The following SCN1A variants were observed in gnomAD, a reference collection of about 807,000 sequenced individuals.
SCN1A encodes the protein sodium channel protein type 1 subunit alpha.
Under a neutral mutation model 193.7 loss-of-function variants are expected in SCN1A, and 13 were observed. That is an observed-to-expected ratio of 0.07 (90% confidence interval 0.04 to 0.11). The LOEUF is 0.11. Ranked by LOEUF, SCN1A falls within the 10% of genes least tolerant of loss-of-function variation. The pLI is 1.00. For synonymous variants in SCN1A, 781 were observed against 843.6 expected, an observed-to-expected ratio of 0.93 and a Z score of 1.29; for missense variants, 1,432 against 2,451.1, an observed-to-expected ratio of 0.58 and a Z score of 8.78.
intron 2 of SCN1A, among the ~76,000 whole-genome samples, chr2:166,081,215 C>A (rs1685487594): frequency 6.6e-6 from 1 of 151,906 alleles, no homozygotes; most frequent in African/African-American, 2.4e-5. Context: ...CCCATGAAGC[C>A]TTACAGTTAA....
At chr2:166,122,739 C>T (rs1690740436) in intron 2 of SCN1A, among the ~76,000 whole-genome samples, 1 of 151,932 alleles carries the variant, frequency 6.6e-6, no homozygotes, top group East Asian at 1.9e-4. Context: ...AGAATGAATC[C>T]TAGATCTAAA....
chr2:166,006,777 A>G (rs1691720019), intron 23 of SCN1A, among the ~76,000 whole-genome samples: 1 of 151,368 alleles, frequency 6.6e-6, no homozygotes. Context: ...GCTCATACAT[A>G]TCAATAATCA....
chr2:166,039,612 A>C lies in SCN1A; in HGVS notation c.2416-16T>G. The C allele has an allele frequency of 1.2e-6, 2 of 1,604,500 alleles. No individual in the cohort carries two copies. Among genetic ancestry groups the C allele is most frequent in the Non-Finnish European group, 1.7e-6 (2 of 1,171,480 alleles). On this transcript the variant is annotated splice_polypyrimidine_tract_variant and intron_variant, in intron 16 of 28. Transcript: ENST00000674923. ...CAGTGAAAACCTAAGATCAAAACAAAATTAATCTAATTCCACCAGATAATA... is the reference window on the plus strand; with the variant it reads ...CAGTGAAAACCTAAGATCAAAACAACATTAATCTAATTCCACCAGATAATA...
intron 23 of SCN1A, among the ~76,000 whole-genome samples, chr2:166,006,026 A>G (rs893223215): frequency 6.6e-6 from 1 of 151,374 alleles, no homozygotes; most frequent in Non-Finnish European, 1.5e-5. Context: ...TAAATGAAGG[A>G]TTGATAATTA....
intron 13 of SCN1A, 57 bp downstream of exon 13, chr2:166,044,982 TCCCC>T: frequency 7.7e-6 from 12 of 1,552,978 alleles, no homozygotes; most frequent in Non-Finnish European, 1.1e-5. Flanking sequence ...TTTCTAATTC[TCCCC>T]CTCTCTCCCA....
intron 2 of SCN1A, among the ~76,000 whole-genome samples, chr2:166,101,253 G>A (rs1236198743): frequency 1.9e-4 from 29 of 150,600 alleles, no homozygotes; most frequent in South Asian, 4.2e-4. Flanking sequence ...GTAAACTATC[G>A]CAAGAACAAA....
At chr2:166,035,010 G>A (rs1393143717) in intron 19 of SCN1A, among the ~76,000 whole-genome samples, 3 of 152,156 alleles carry the variant, frequency 2.0e-5, no homozygotes, top group African/African-American at 7.2e-5. Flanking sequence ...CCCAGTTATG[G>A]TATAGTGTTA....
chr2:166,017,611 T>C (rs1322684015), intron 19 of SCN1A, among the ~76,000 whole-genome samples: 1 of 152,060 alleles, frequency 6.6e-6, no homozygotes, highest in African/African-American at 2.4e-5. Context: ...TTACATACTT[T>C]ATAAAAACCA....
intron 2 of SCN1A, among the ~76,000 whole-genome samples, chr2:166,108,074 T>C (rs1045371468): frequency 6.6e-6 from 1 of 152,048 alleles, no homozygotes. Flanking sequence ...GGCATATATA[T>C]ATATATTTTA....
At chr2:166,004,797 T>C (rs903402017) in intron 23 of SCN1A, among the ~76,000 whole-genome samples, 4 of 151,104 alleles carry the variant, frequency 2.6e-5, no homozygotes, top group Non-Finnish European at 5.9e-5. Context: ...ATAGCTCCTC[T>C]TCTGAAATAC....
intron 17 of SCN1A, 22 bp from the exon 18 acceptor site, chr2:166,038,154 T>C: frequency 1.3e-6 from 2 of 1,530,704 alleles, no homozygotes; most frequent in Non-Finnish European, 1.8e-6. Context: ...AAGATTAATA[T>C]ATATTTGTAT....
At chr2:166,064,761 A>C (rs1034440655) in intron 4 of SCN1A, among the ~76,000 whole-genome samples, 1 of 152,142 alleles carries the variant, frequency 6.6e-6, no homozygotes, top group Non-Finnish European at 1.5e-5. Context: ...TTTGTGTTTC[A>C]TCTAAACATT....
At chr2:166,097,631 G>A (rs1188556746) in intron 2 of SCN1A, among the ~76,000 whole-genome samples, 1 of 152,154 alleles carries the variant, frequency 6.6e-6, no homozygotes, top group East Asian at 1.9e-4. Flanking sequence ...ACCCAGGCTG[G>A]CGTGCAGTGG....
intron 3 of SCN1A, among the ~76,000 whole-genome samples, chr2:166,076,868 C>A (rs115442843): frequency 6.6e-6 from 1 of 151,090 alleles, no homozygotes; most frequent in Non-Finnish European, 1.5e-5. Flanking sequence ...AGACCTTATG[C>A]CTTTCACAAA....
At chr2:166,143,498 A>G (rs1692182993) in intron 1 of SCN1A, among the ~76,000 whole-genome samples, 1 of 152,158 alleles carries the variant, frequency 6.6e-6, no homozygotes, top group African/African-American at 2.4e-5. Flanking sequence ...CAAATTCCAG[A>G]TCCTAAGACA....
intron 2 of SCN1A, chr2:166,081,445 T>A (rs753822874): frequency 2.6e-5 from 4 of 151,922 alleles, no homozygotes; most frequent in Non-Finnish European, 4.4e-5. Context: ...GCCTCTGTGG[T>A]TAGATCTGTT....
chr2:166,097,211 A>G (rs1392074973), intron 2 of SCN1A, among the ~76,000 whole-genome samples: 3 of 152,130 alleles, frequency 2.0e-5, no homozygotes, highest in African/African-American at 7.2e-5. Flanking sequence ...TAGTAGACAC[A>G]GGGTTCCACC....
chr2:166,003,609 A>G (rs1574011586), intron 23 of SCN1A, among the ~76,000 whole-genome samples: 1 of 151,586 alleles, frequency 6.6e-6, no homozygotes, highest in Non-Finnish European at 1.5e-5. Flanking sequence ...ATGTTTGGAA[A>G]CAACATAGGG....
intron 2 of SCN1A, among the ~76,000 whole-genome samples, chr2:166,109,303 T>G (rs985593651): frequency 2.6e-5 from 4 of 152,198 alleles, no homozygotes; most frequent in Non-Finnish European, 5.9e-5. Flanking sequence ...TACAGATAGA[T>G]AAGAACATTG....
Sources: allele counts gnomAD v4.1 joint callset (sites outside exome capture counted in the v4.1 genomes callset), GRCh38; gene constraint gnomAD v4.1.1; transcripts MANE v1.5; gene names NCBI Gene and HGNC (gene_info 2026-07-23, HGNC 2026-07-21).